Variants in FGF1 observed in about 807,000 individuals in gnomAD.
FGF1 encodes beta-endothelial cell growth factor.
FGF1 carries 9 observed loss-of-function variants against 13.4 expected under a neutral mutation model. The observed-to-expected ratio is 0.67, with a 90% CI of 0.40 to 1.17. The LOEUF is 1.17. FGF1 is among the 50% of genes most tolerant of loss of function. The pLI, the probability that FGF1 is intolerant of heterozygous loss-of-function variation, is 0.01. For missense variants in FGF1, 156 were observed against 192.7 expected (o/e 0.81, Z 1.13); for synonymous variants, 93 against 79.0 (o/e 1.18, Z -0.94).
At chr5:142,672,566 G>A (rs563133524) in intron 1 of FGF1, among the ~76,000 whole-genome samples, 3 of 144,388 alleles carry the variant, frequency 2.1e-5, no homozygotes, top group East Asian at 4.2e-4. Flanking sequence ...ATGCAATGGT[G>A]TGATCTCGGC....
intron 1 of FGF1, among the ~76,000 whole-genome samples, chr5:142,684,614 G>A (rs1774338793): frequency 6.6e-6 from 1 of 152,162 alleles, no homozygotes; most frequent in Non-Finnish European, 1.5e-5. Flanking sequence ...CCAACACAAA[G>A]AAAACAAAGG....
In FGF1 at chr5:142,618,921, G is replaced by GTTTTTTTTTTTTTTTTTTTTTTTTTT; in HGVS notation, c.-34-4761_-34-4760insAAAAAAAAAAAAAAAAAAAAAAAAAA. ...GGCAAACACTGACATTTATTTTTTA[G>GTTTTTTTTTTTTTTTTTTTTTTTTTT]TTGTTTTGTTTTTTTTTTTTTTTTT... On this transcript the variant is annotated intron_variant, in intron 1 of 3. Transcript: ENST00000337706. 1.8e-5 allele frequency among the ~76,000 whole-genome samples: 2 copies of GTTTTTTTTTTTTTTTTTTTTTTTTTT among 108,374 alleles called. 1 individual carries two copies. Among genetic ancestry groups the GTTTTTTTTTTTTTTTTTTTTTTTTTT allele is most frequent in the East Asian group, 7.5e-4 (2 of 2,662 alleles). The allele number at this position is 108,374 out of a possible 152,430, so 71.1% of individuals were successfully genotyped here.
intron 1 of FGF1, among the ~76,000 whole-genome samples, chr5:142,675,590 G>A (rs183956808): frequency 1.4e-4 from 21 of 152,316 alleles, no homozygotes; most frequent in Middle Eastern, 3.4e-3. Context: ...CAGCTATGCT[G>A]AGAGCTTTAC....
chr5:142,657,725 G>A (rs777023856), intron 1 of FGF1, among the ~76,000 whole-genome samples: 6 of 152,218 alleles, frequency 3.9e-5, no homozygotes, highest in Admixed American at 1.3e-4. Context: ...TTCTCTGCTG[G>A]ACTCTCAGCC....
At chr5:142,607,348 T>C (rs982595463) in intron 2 of FGF1, among the ~76,000 whole-genome samples, 1 of 152,172 alleles carries the variant, frequency 6.6e-6, no homozygotes, top group Non-Finnish European at 1.5e-5. Context: ...CTTTATCCCA[T>C]ACGGGGATCT....
chr5:142,666,136 T>A (rs13165689), intron 1 of FGF1, among the ~76,000 whole-genome samples: 104,222 of 104,222 alleles, frequency 1, 52,111 homozygotes, highest in Non-Finnish European at 1. Context: ...TCAGACTTGA[T>A]TGAACTTTAC....
chr5:142,674,852 C>A (rs1243612054), intron 1 of FGF1, among the ~76,000 whole-genome samples: 2 of 152,166 alleles, frequency 1.3e-5, no homozygotes, highest in Non-Finnish European at 2.9e-5. Context: ...CCCTCCTCTG[C>A]CTGCCACGGG....
At chr5:142,670,067 C>T (rs544247578) in intron 1 of FGF1, among the ~76,000 whole-genome samples, 1 of 152,212 alleles carries the variant, frequency 6.6e-6, no homozygotes, top group Non-Finnish European at 1.5e-5. Context: ...TCCTGCCCCA[C>T]AGCTTTGCTG....
chr5:142,694,802 G>T (rs1021966181), intron 2 of FGF1, among the ~76,000 whole-genome samples: 4 of 152,172 alleles, frequency 2.6e-5, no homozygotes, highest in African/African-American at 9.7e-5. Context: ...GAGTCCCAGA[G>T]ACACCTCTTT....
At chr5:142,622,832 G>T (rs1177944754) in intron 1 of FGF1, among the ~76,000 whole-genome samples, 1 of 152,220 alleles carries the variant, frequency 6.6e-6, no homozygotes, top group African/African-American at 2.4e-5. Flanking sequence ...AGCCATGGCT[G>T]ATTGGCCTGG....
At position 142,600,667 on chromosome 5, in the gene FGF1, G is replaced by A. The variant is rs771632060; in HGVS notation, c.273+35C>T. 37 of 1,442,444 alleles carry A rather than the reference G, an allele frequency of 2.6e-5. 1 individual carries two copies. In the South Asian group the frequency reaches 4.2e-4, roughly 16 times the overall value. The allele number at this position is 1,442,444 out of a possible 1,614,324, so 89.4% of individuals were successfully genotyped here. ...AAGATTTCTGGAAACCTCAAACCTT[G>A]GCCACGTCTGGAAGCATGTCAGCTT... On this transcript the variant is annotated intron_variant, in intron 3 of 3. Coordinates refer to ENST00000337706, the MANE Select transcript of FGF1 (RefSeq NM_000800.5).
At chr5:142,610,638 C>A (rs1035607682) in intron 2 of FGF1, among the ~76,000 whole-genome samples, 1 of 152,180 alleles carries the variant, frequency 6.6e-6, no homozygotes, top group Non-Finnish European at 1.5e-5. Flanking sequence ...CACTCCCTGG[C>A]TGATTCTGCC....
At position 142,614,386 on chromosome 5, in the gene FGF1, A is replaced by G. The variant is rs189277358; in HGVS notation, c.-34-225T>C. Among the ~76,000 whole-genome samples the G allele has an allele frequency of 2.9e-3, 441 of 152,282 alleles. 3 individuals carry two copies. The highest frequency in any genetic ancestry group is 9.8e-3 in the African/African-American group (407 of 41,550). On this transcript the variant is annotated intron_variant, in intron 1 of 3. Coordinates refer to ENST00000337706, the MANE Select transcript of FGF1 (RefSeq NM_000800.5). Reference sequence around the variant, plus strand: ...TCCAGGGCATTTTTCTCTCTTCCCAATTGGACACAGCTTTGGACCAAACTG... The same window carrying G: ...TCCAGGGCATTTTTCTCTCTTCCCAGTTGGACACAGCTTTGGACCAAACTG...
At chr5:142,693,068 GA>G (rs60897415) in intron 2 of FGF1, among the ~76,000 whole-genome samples, 1 of 151,950 alleles carries the variant, frequency 6.6e-6, no homozygotes, top group South Asian at 2.1e-4. Flanking sequence ...CAGGAAAGAG[GA>G]AAAAAACTCT....
chr5:142,648,259 A>G (rs1398066967), intron 1 of FGF1, among the ~76,000 whole-genome samples: 2 of 150,866 alleles, frequency 1.3e-5, no homozygotes, highest in Non-Finnish European at 2.9e-5. Flanking sequence ...AACCAACCCA[A>G]TATCCACCAG....
chr5:142,598,407 A>G (rs1223863781), intron 3 of FGF1, among the ~76,000 whole-genome samples: 2 of 152,184 alleles, frequency 1.3e-5, no homozygotes, highest in Non-Finnish European at 2.9e-5. Context: ...TGGCTTAACT[A>G]TTGATTCATG....
intron 1 of FGF1, among the ~76,000 whole-genome samples, chr5:142,672,844 T>A (rs1561729064): frequency 6.6e-6 from 1 of 152,172 alleles, no homozygotes; most frequent in Non-Finnish European, 1.5e-5. Flanking sequence ...CCAAGGCAGA[T>A]AGTCAAGCCC....
intron 1 of FGF1, among the ~76,000 whole-genome samples, chr5:142,650,010 A>G (rs1256080128): frequency 6.6e-6 from 1 of 152,192 alleles, no homozygotes; most frequent in Non-Finnish European, 1.5e-5. Context: ...TTTAAAATGC[A>G]GATTCCTGGG....
chr5:142,651,890 C>T (rs1262823355), intron 1 of FGF1, among the ~76,000 whole-genome samples: 1 of 151,298 alleles, frequency 6.6e-6, no homozygotes, highest in Admixed American at 6.6e-5. Flanking sequence ...CTCTTTCCAG[C>T]CTCAAATTTC....
Sources: allele counts gnomAD v4.1 joint callset (sites outside exome capture counted in the v4.1 genomes callset), GRCh38; gene constraint gnomAD v4.1.1; transcripts MANE v1.5; gene names NCBI Gene and HGNC (gene_info 2026-07-23, HGNC 2026-07-21).